The following ATP5F1C variants were observed in gnomAD, a reference collection of about 807,000 sequenced individuals.
ATP5F1C encodes ATP synthase F1 subunit gamma.
In ATP5F1C, 22 loss-of-function variants were observed where a neutral mutation model predicts 37.4. The ratio of observed to expected loss-of-function variants is 0.59; its 90% confidence interval spans 0.42 to 0.84. The LOEUF (loss-of-function observed/expected upper bound fraction) is 0.84. ATP5F1C is among the 40% of genes least tolerant of loss of function. ATP5F1C has a pLI of 0.00. For synonymous variants in ATP5F1C, 121 were observed against 128.0 expected (o/e 0.95, Z 0.37); for missense variants, 286 against 362.4 (o/e 0.79, Z 1.71).
At chr10:7,802,030 C>T (rs572785235) in intron 6 of ATP5F1C, among the ~76,000 whole-genome samples, 1 of 152,216 alleles carries the variant, frequency 6.6e-6, no homozygotes, top group East Asian at 1.9e-4. Flanking sequence ...CCTAATTTTT[C>T]TAAAGTTACA....
At chr10:7,804,024 C>T in intron 8 of ATP5F1C, 1 of 510,894 alleles carries the variant, frequency 2.0e-6, no homozygotes, top group Non-Finnish European at 3.9e-6. Context: ...ACAGTGGTAA[C>T]AGTATTTGCC....
At chr10:7,796,930 T>C in intron 2 of ATP5F1C, 117 bp from the exon 3 acceptor site, 2 of 1,164,480 alleles carry the variant, frequency 1.7e-6, no homozygotes, top group Admixed American at 2.6e-5. Flanking sequence ...TCGTGCTGTT[T>C]ATTGTTTATC....
intron 1 of ATP5F1C, among the ~76,000 whole-genome samples, chr10:7,795,903 A>G (rs1322751215): frequency 6.6e-6 from 1 of 152,064 alleles, no homozygotes; most frequent in Non-Finnish European, 1.5e-5. Context: ...GTGGTGGTAC[A>G]GACAGGCCAA....
At chr10:7,797,589 G>A (rs553993649) in intron 3 of ATP5F1C, among the ~76,000 whole-genome samples, 13 of 152,272 alleles carry the variant, frequency 8.5e-5, no homozygotes, top group African/African-American at 2.9e-4. Context: ...GAAACCGTGC[G>A]TTAGATGTAA....
chr10:7,803,237 ATTTTTTAATCATTATG>A (rs146819044), intron 8 of ATP5F1C, among the ~76,000 whole-genome samples: 31,744 of 151,804 alleles, frequency 0.21, 3,765 homozygotes, highest in East Asian at 0.53. Context: ...AGGTCCAGGA[ATTTTTTAATCATTATG>A]TTTTTTAATC....
At chr10:7,793,778 T>C (rs1220810377) in intron 1 of ATP5F1C, among the ~76,000 whole-genome samples, 1 of 152,236 alleles carries the variant, frequency 6.6e-6, no homozygotes, top group African/African-American at 2.4e-5. Context: ...CTGTGATTCA[T>C]TTTAAGTTAA....
At chr10:7,788,484 C>G (rs1836093262) in intron 1 of ATP5F1C, among the ~76,000 whole-genome samples, 1 of 152,186 alleles carries the variant, frequency 6.6e-6, no homozygotes, top group African/African-American at 2.4e-5. Flanking sequence ...AGGTCCCGCC[C>G]GGTTCCCTGA....
chr10:7,802,931 T>G (rs372563045), intron 8 of ATP5F1C, 77 bp downstream of exon 8: 12 of 1,276,698 alleles, frequency 9.4e-6, no homozygotes, highest in East Asian at 2.4e-5. Context: ...TGCTTAAAAG[T>G]TTTTCGTTTT....
Position 7,797,088 on chromosome 10 carries a change from A to G in ATP5F1C, c.133A>G (p.Thr45Ala), listed in dbSNP as rs17851436. 6.2e-7 allele frequency: 1 copy of G among 1,614,106 alleles called. No individual in the cohort carries two copies. Among genetic ancestry groups the G allele is most frequent in the Non-Finnish European group, 8.5e-7 (1 of 1,180,036 alleles). Residue 45 changes from threonine (T) to alanine (A), a missense_variant, in exon 3 of 10, where the codon ACC becomes GCC. Thr to Ala is a moderately conservative substitution (Grantham distance 58, BLOSUM62 0). Transcript: ENST00000356708. ...GTCCATCAAAAACATCCAGAAAATTACCAAGTCTATGAAAATGGTAGCGGC... is the reference window on the plus strand; with the variant it reads ...GTCCATCAAAAACATCCAGAAAATTGCCAAGTCTATGAAAATGGTAGCGGC... ...LKSIKNIQKI[T>A]KSMKMVAAAK...
At chr10:7,799,225 A>G in intron 4 of ATP5F1C, 31 bp downstream of exon 4, 1 of 1,580,056 alleles carries the variant, frequency 6.3e-7, no homozygotes, top group Non-Finnish European at 8.6e-7. Flanking sequence ...TTATTTTCAT[A>G]AAGATGTAAG....
chr10:7,800,491 A>ATTTT (rs137972460), intron 6 of ATP5F1C, among the ~76,000 whole-genome samples: 3 of 113,390 alleles, frequency 2.6e-5, no homozygotes, highest in African/African-American at 3.4e-5. Flanking sequence ...CCAGCCTTTT[A>ATTTT]TTTTTTTATT....
intron 3 of ATP5F1C, among the ~76,000 whole-genome samples, 160 bp downstream of exon 3, chr10:7,797,338 C>A (rs1462918164): frequency 6.6e-6 from 1 of 152,158 alleles, no homozygotes; most frequent in Non-Finnish European, 1.5e-5. Flanking sequence ...ATGATAACAA[C>A]CCGTGTAGGT....
chr10:7,788,662 C>T (rs375929289), intron 1 of ATP5F1C, among the ~76,000 whole-genome samples: 2 of 152,146 alleles, frequency 1.3e-5, no homozygotes, highest in South Asian at 2.1e-4. Flanking sequence ...AGCAATAGCC[C>T]AGGGGAAGGT....
At chr10:7,800,224 A>C in intron 6 of ATP5F1C, 133 bp downstream of exon 6, 3 of 945,098 alleles carry the variant, frequency 3.2e-6, no homozygotes, top group Non-Finnish European at 4.8e-6. Flanking sequence ...TTTAGATGGA[A>C]TCTTGCTGCC....
At chr10:7,803,969 T>C (rs1224927548) in intron 8 of ATP5F1C, among the ~76,000 whole-genome samples, 1 of 152,194 alleles carries the variant, frequency 6.6e-6, no homozygotes, top group Non-Finnish European at 1.5e-5. Flanking sequence ...AGGTAATTAT[T>C]TGAGTGCCCC....
intron 8 of ATP5F1C, chr10:7,804,189 T>C (rs914609): frequency 0.98 from 510,166 of 519,050 alleles, 251,286 homozygotes; most frequent in East Asian, 1. Context: ...ACCCACAGAG[T>C]GCAGAATACT....
chr10:7,793,497 T>A (rs1168730903), intron 1 of ATP5F1C, among the ~76,000 whole-genome samples: 1 of 152,242 alleles, frequency 6.6e-6, no homozygotes, highest in Admixed American at 6.5e-5. Context: ...TTATTGCATT[T>A]TAAGAGTTGT....
intron 4 of ATP5F1C, chr10:7,799,523 C>T (rs1009772612): frequency 1.9e-5 from 11 of 567,616 alleles, no homozygotes; most frequent in Non-Finnish European, 3.4e-5. Flanking sequence ...AGCAATAGTT[C>T]ATTAGGATTA....
intron 8 of ATP5F1C, among the ~76,000 whole-genome samples, chr10:7,805,726 A>C (rs377190231): frequency 1.5e-5 from 2 of 132,318 alleles, no homozygotes; most frequent in African/African-American, 5.8e-5. Context: ...CAGCCTGGGC[A>C]AAAGAGCAAG....
Sources: allele counts gnomAD v4.1 joint callset (sites outside exome capture counted in the v4.1 genomes callset), GRCh38; gene constraint gnomAD v4.1.1; transcripts MANE v1.5; gene names NCBI Gene and HGNC (gene_info 2026-07-23, HGNC 2026-07-21).